Variants in TRAPPC11 observed in about 807,000 individuals in gnomAD.
TRAPPC11 encodes foie gras homolog.
In TRAPPC11, 104 loss-of-function variants were observed where a neutral mutation model predicts 151.2. That is an observed-to-expected ratio of 0.69 (90% CI 0.59 to 0.81). TRAPPC11 has a LOEUF of 0.81. Among genes scored for constraint, TRAPPC11 ranks in the 30% least tolerant of loss-of-function variants. The probability of loss-of-function intolerance (pLI) is 0.00; values close to 1 mark genes in which losing one functional copy is unlikely to be tolerated. For synonymous variants in TRAPPC11, 456 were observed against 472.3 expected (o/e 0.97, Z 0.45); for missense variants, 1,230 against 1,349.6 (o/e 0.91, Z 1.39).
At chr4:183,670,280 G>T (rs1374448186) in intron 5 of TRAPPC11, among the ~76,000 whole-genome samples, 1 of 152,200 alleles carries the variant, frequency 6.6e-6, no homozygotes. Context: ...AATGCATTGG[G>T]AGTGATTGTG....
chr4:183,698,126 T>A (rs1736637155), intron 25 of TRAPPC11, among the ~76,000 whole-genome samples: 1 of 152,206 alleles, frequency 6.6e-6, no homozygotes, highest in Non-Finnish European at 1.5e-5. Context: ...TTTTTGAACT[T>A]TTTAAAGATT....
chr4:183,680,939 C>T (rs528919691), intron 10 of TRAPPC11, among the ~76,000 whole-genome samples: 62 of 151,822 alleles, frequency 4.1e-4, no homozygotes, highest in African/African-American at 1.2e-3. Context: ...GTGATCTGCC[C>T]GCCTTGGCCT....
At chr4:183,700,263 A>G (rs1736740332) in intron 25 of TRAPPC11, among the ~76,000 whole-genome samples, 1 of 152,184 alleles carries the variant, frequency 6.6e-6, no homozygotes, top group Non-Finnish European at 1.5e-5. Context: ...CTGGGCTACA[A>G]TATCATTTCC....
chr4:183,667,742 T>C (rs747714722), intron 4 of TRAPPC11, among the ~76,000 whole-genome samples: 4 of 152,230 alleles, frequency 2.6e-5, no homozygotes, highest in African/African-American at 4.8e-5. Context: ...GAAATAGTTA[T>C]GTGGTATATC....
rs371028947 is a variant in TRAPPC11, at chr4:183,682,101, T to C, written c.1114-631T>C. ...ATGAAAGAAGGAGGTTGAAAATTAA[T>C]CATTAACAAATTTGTGCATGTGAAA... On this transcript the variant is annotated intron_variant, in intron 10 of 29. Coordinates refer to ENST00000334690, the MANE Select transcript of TRAPPC11 (RefSeq NM_021942.6). 1.6e-4 allele frequency among the ~76,000 whole-genome samples: 24 copies of C among 152,362 alleles called. No homozygotes were observed. The East Asian group carries it at 2.9e-3, about 18-fold the overall frequency.
At chr4:183,671,074 C>T (rs1436345181) in intron 5 of TRAPPC11, among the ~76,000 whole-genome samples, 1 of 152,156 alleles carries the variant, frequency 6.6e-6, no homozygotes, top group Non-Finnish European at 1.5e-5. Flanking sequence ...CCACATTGGC[C>T]AGGCTGGTCT....
rs151258295 is a variant in TRAPPC11, at chr4:183,671,463, C to T, written c.561-3250C>T. Among the ~76,000 whole-genome samples, 864 of 152,294 alleles carry T rather than the reference C, an allele frequency of 5.7e-3. 7 individuals carry two copies. The highest frequency in any genetic ancestry group is 0.02 in the African/African-American group (821 of 41,570). The stretch of plus-strand genomic sequence containing the variant: ...ACCCCACCCCTCATCCCCCGCAGCC[C>T]CAACTGCTGCTCCTGCTTCTGCTCT... On this transcript the variant is annotated intron_variant, in intron 5 of 29. Coordinates refer to ENST00000334690, the MANE Select transcript of TRAPPC11 (RefSeq NM_021942.6).
At position 183,704,990 on chromosome 4, in the gene TRAPPC11, T is replaced by C. The variant is rs1736982964; in HGVS notation, c.2975T>C (p.Met992Thr). The C allele has an allele frequency of 6.3e-7, 1 of 1,592,896 alleles. No homozygotes were observed. The highest frequency in any genetic ancestry group is 8.6e-7 in the Non-Finnish European group (1 of 1,165,248). Residue 992 changes from methionine to threonine, a missense_variant, in exon 27 of 30, where the codon ATG (methionine) becomes ACG (threonine). By Grantham distance (81) the Met-to-Thr change is moderately conservative (BLOSUM62 -1). Coordinates refer to ENST00000334690, the MANE Select transcript of TRAPPC11 (RefSeq NM_021942.6). ...CTCTTCTGCCACAGGACCTCAGCAA[T>C]GGAGAATATCCCCATCATCACAACT... is the stretch of plus-strand genomic sequence containing the variant. ...YIISWKRTSA[M>T]ENIPIITTVI... is the part of the protein sequence containing the mutation.
rs577286205 is a variant in TRAPPC11 at position 183,707,736 on chromosome 4, G to GT, written c.3190-667dup. 2.1e-3 allele frequency among the ~76,000 whole-genome samples: 313 copies of GT among 152,144 alleles called. 1 individual carries two copies. The highest frequency in any genetic ancestry group is 7.1e-3 in the African/African-American group (296 of 41,486). On this transcript the variant is annotated intron_variant, in intron 28 of 29. Transcript: ENST00000334690. ...GAAATATGCTGTATGTTCAGGTACT[G>GT]TTTTATATTTATAATATACAGTATT...
At chr4:183,660,357 A>G (rs1169392814) in intron 1 of TRAPPC11, among the ~76,000 whole-genome samples, 1 of 152,232 alleles carries the variant, frequency 6.6e-6, no homozygotes, top group Non-Finnish European at 1.5e-5. Flanking sequence ...TGTGAGTGTG[A>G]AATACACACC....
At chr4:183,703,824 A>C (rs573011425) in intron 26 of TRAPPC11, among the ~76,000 whole-genome samples, 9 of 152,308 alleles carry the variant, frequency 5.9e-5, no homozygotes, top group Admixed American at 5.9e-4. Flanking sequence ...CACAGGGAAA[A>C]TATTTAACAG....
intron 15 of TRAPPC11, 60 bp downstream of exon 15, chr4:183,684,901 C>A: frequency 6.6e-7 from 1 of 1,504,948 alleles, no homozygotes; most frequent in Non-Finnish European, 9.1e-7. Context: ...CATCTTTAAG[C>A]TTTTTAAAAT....
chr4:183,697,876 T>TGC (rs147708886), intron 25 of TRAPPC11, 41 bp downstream of exon 25: 8 of 1,571,248 alleles, frequency 5.1e-6, no homozygotes, highest in South Asian at 3.4e-5. Flanking sequence ...AGGAGAATTG[T>TGC]GCGCGCGTGT....
intron 25 of TRAPPC11, among the ~76,000 whole-genome samples, chr4:183,700,486 T>C (rs991138416): frequency 4.6e-5 from 7 of 152,224 alleles, no homozygotes; most frequent in African/African-American, 1.7e-4. Context: ...CCGTTAAATA[T>C]GTACTGTTGC....
rs780991425 is a variant in TRAPPC11 at position 183,682,751 on chromosome 4, A to T, written c.1133A>T (p.Asn378Ile). ...TTACAGGCTTCTGTAATGTATCCCA[A>T]TCCTGATCCCTTAGAAACACAAACA... is the stretch of plus-strand genomic sequence containing the variant. ...CNHEASVMYP[N>I]PDPLETQTGV... The change falls in exon 11 of 30, where the codon AAT becomes ATT. Residue 378 changes from asparagine to isoleucine, a missense_variant. Asn to Ile is a moderately radical substitution (Grantham distance 149). Coordinates refer to ENST00000334690, the MANE Select transcript of TRAPPC11 (RefSeq NM_021942.6). 1 of 1,613,278 alleles carries T rather than the reference A, an allele frequency of 6.2e-7. No homozygotes were observed. The highest frequency in any genetic ancestry group is 1.3e-5 in the African/African-American group (1 of 74,870).
intron 20 of TRAPPC11, 93 bp downstream of exon 20, chr4:183,693,240 G>A: frequency 8.3e-7 from 1 of 1,210,066 alleles, no homozygotes; most frequent in Non-Finnish European, 1.1e-6. Flanking sequence ...TGTCCAGGCT[G>A]GAGTGCAGTG....
chr4:183,671,673 G>A (rs1217746745), intron 5 of TRAPPC11, among the ~76,000 whole-genome samples: 1 of 152,226 alleles, frequency 6.6e-6, no homozygotes, highest in Non-Finnish European at 1.5e-5. Flanking sequence ...AAGCTAGAAT[G>A]TCCTTCACCT....
Position 183,684,742 on chromosome 4 carries a change from ACT to A in TRAPPC11, c.1471_1472del (p.Leu491AlafsTer31). ...TGATTATCGGAGTGAAGGATGGTGG[ACT>A]CTGCTCACTTCTGTATTAACTACAG... ...MCDYRSEGWW[T>X]LLTSVLTTAL... On this transcript the variant is annotated frameshift_variant, in exon 15 of 30. Transcript: ENST00000334690. LOFTEE classifies it high-confidence loss of function. The A allele has an allele frequency of 6.2e-7, 1 of 1,613,794 alleles. No homozygotes were observed.
chr4:183,663,326 C>A (rs186708969), intron 1 of TRAPPC11, among the ~76,000 whole-genome samples: 1 of 152,096 alleles, frequency 6.6e-6, no homozygotes, highest in Non-Finnish European at 1.5e-5. Flanking sequence ...CTCCACCTCC[C>A]GGGTTCACGC....
Sources: gnomAD v4.1 joint callset for allele counts (sites outside exome capture counted in the v4.1 genomes callset) on GRCh38, gnomAD v4.1.1 for gene constraint, MANE v1.5 for transcripts, NCBI Gene and HGNC (gene_info 2026-07-23, HGNC 2026-07-21) for gene names.